TRPM3: variants seen among roughly 807,000 people sequenced by gnomAD.
TRPM3 encodes the protein transient receptor potential cation channel subfamily M member 3.
TRPM3 carries 77 observed loss-of-function variants against 181.2 expected under a neutral mutation model. That is an observed-to-expected ratio of 0.42 (90% CI 0.35 to 0.51). TRPM3 has a LOEUF of 0.51. Ranked by LOEUF, TRPM3 falls within the 20% of genes least tolerant of loss-of-function variation. TRPM3 has a pLI of 0.01. For synonymous variants in TRPM3, 745 were observed against 796.4 expected, an observed-to-expected ratio of 0.94 and a Z score of 1.09; for missense variants, 1,759 against 2,196.7, an observed-to-expected ratio of 0.80 and a Z score of 3.98.
At chr9:71,362,121 A>G (rs1588668576) in intron 1 of TRPM3, among the ~76,000 whole-genome samples, 1 of 152,212 alleles carries the variant, frequency 6.6e-6, no homozygotes, top group South Asian at 2.1e-4. Flanking sequence ...TCATGCCCAC[A>G]GATAAGGCCC....
chr9:70,981,791 C>A (rs4237246), intron 1 of TRPM3, among the ~76,000 whole-genome samples: 151,910 of 152,286 alleles, frequency 1, 75,767 homozygotes, highest in Middle Eastern at 1. Flanking sequence ...TTTGAAGCTC[C>A]TCCTTCTAAG....
chr9:70,919,379 C>T (rs1464594651), intron 1 of TRPM3, among the ~76,000 whole-genome samples: 2 of 152,166 alleles, frequency 1.3e-5, no homozygotes, highest in Admixed American at 6.5e-5. Context: ...AATACTCTGC[C>T]CCAGCCTGGA....
chr9:71,233,615 A>G (rs983487271), intron 1 of TRPM3, among the ~76,000 whole-genome samples: 2 of 152,252 alleles, frequency 1.3e-5, no homozygotes, highest in Non-Finnish European at 2.9e-5. Flanking sequence ...AATCCTAGGA[A>G]ACTGCAGGAA....
At chr9:70,791,673 G>A (rs530400319) in intron 6 of TRPM3, among the ~76,000 whole-genome samples, 2 of 152,266 alleles carry the variant, frequency 1.3e-5, no homozygotes, top group South Asian at 4.1e-4. Context: ...ATATGGGGAT[G>A]TCAAGACACT....
chr9:70,841,593 TG>T (rs1043841725), intron 5 of TRPM3, among the ~76,000 whole-genome samples: 1 of 144,122 alleles, frequency 6.9e-6, no homozygotes, highest in African/African-American at 2.5e-5. Context: ...TGTCCATCAA[TG>T]GAGGATTGGA....
chr9:71,135,561 C>T (rs2074712960), intron 1 of TRPM3, among the ~76,000 whole-genome samples: 1 of 152,070 alleles, frequency 6.6e-6, no homozygotes, highest in South Asian at 2.1e-4. Flanking sequence ...CATCAATCTC[C>T]AGTAATCCAC....
chr9:70,542,998 C>A (rs1004740026), intron 25 of TRPM3, among the ~76,000 whole-genome samples: 1 of 152,084 alleles, frequency 6.6e-6, no homozygotes, highest in Admixed American at 6.6e-5. Flanking sequence ...AAAAGAGAAA[C>A]AAGTTTAAAC....
At chr9:70,795,414 T>C (rs575066730) in intron 6 of TRPM3, among the ~76,000 whole-genome samples, 1 of 152,214 alleles carries the variant, frequency 6.6e-6, no homozygotes, top group Non-Finnish European at 1.5e-5. Flanking sequence ...AAATGATTCA[T>C]GAAGAGAAAA....
At chr9:70,866,397 G>T (rs1180188817) in intron 1 of TRPM3, among the ~76,000 whole-genome samples, 1 of 152,026 alleles carries the variant, frequency 6.6e-6, no homozygotes, top group Non-Finnish European at 1.5e-5. Context: ...AGAGCATGAG[G>T]TCTGCATTTA....
intron 16 of TRPM3, among the ~76,000 whole-genome samples, chr9:70,619,406 CTTTT>C (rs1170887633): frequency 0.088 from 7,154 of 81,300 alleles, 156 homozygotes; most frequent in Middle Eastern, 0.16. Context: ...TCGTCGTCTT[CTTTT>C]TTTTTTTTTT....
intron 9 of TRPM3, among the ~76,000 whole-genome samples, chr9:70,675,868 A>G (rs945437768): frequency 1.3e-5 from 2 of 152,182 alleles, no homozygotes; most frequent in African/African-American, 4.8e-5. Flanking sequence ...TTTGATTACA[A>G]TATGTCTCCT....
At chr9:70,751,778 C>A (rs1488966056) in intron 8 of TRPM3, among the ~76,000 whole-genome samples, 1 of 151,902 alleles carries the variant, frequency 6.6e-6, no homozygotes, top group African/African-American at 2.4e-5. Flanking sequence ...GATGTGTTGC[C>A]TGTTTAGAGA....
At chr9:70,539,707 C>G (rs1447880573) in intron 25 of TRPM3, among the ~76,000 whole-genome samples, 1 of 152,158 alleles carries the variant, frequency 6.6e-6, no homozygotes, top group Admixed American at 6.5e-5. Context: ...GCCCAAGAAA[C>G]AAAATTACTT....
chr9:71,312,657 T>A (rs753022388), intron 1 of TRPM3, among the ~76,000 whole-genome samples: 2 of 152,130 alleles, frequency 1.3e-5, no homozygotes, highest in Non-Finnish European at 2.9e-5. Flanking sequence ...AAACAAGATG[T>A]CCTTCAGTAG....
chr9:70,935,802 A>T (rs1337015), intron 1 of TRPM3, among the ~76,000 whole-genome samples: 13,374 of 152,132 alleles, frequency 0.088, 663 homozygotes, highest in African/African-American at 0.14. Context: ...TTTTCCCCCA[A>T]GCGCAATCCG....
chr9:71,201,793 A>C (rs1179887936), intron 1 of TRPM3, among the ~76,000 whole-genome samples: 1 of 152,038 alleles, frequency 6.6e-6, no homozygotes, highest in Admixed American at 6.6e-5. Flanking sequence ...TGTAGCTCGG[A>C]ATAGTTTGAT....
chr9:71,371,521 G>T (rs1295477219), intron 1 of TRPM3, among the ~76,000 whole-genome samples: 1 of 152,186 alleles, frequency 6.6e-6, no homozygotes, highest in Admixed American at 6.5e-5. Flanking sequence ...AGTGGAGCTT[G>T]ATGATGTGAC....
At chr9:70,570,380 C>T (rs551909228) in intron 22 of TRPM3, among the ~76,000 whole-genome samples, 5 of 139,368 alleles carry the variant, frequency 3.6e-5, no homozygotes, top group East Asian at 4.6e-4. Flanking sequence ...ACGATCTCAG[C>T]GGACTGCAAC....
At chr9:70,556,311 G>A (rs530655950) in intron 22 of TRPM3, among the ~76,000 whole-genome samples, 5 of 151,540 alleles carry the variant, frequency 3.3e-5, no homozygotes, top group South Asian at 4.2e-4. Context: ...GTTTGGCGCC[G>A]GGAACCTCCT....
Sources: gnomAD v4.1 joint callset for allele counts (sites outside exome capture counted in the v4.1 genomes callset) on GRCh38, gnomAD v4.1.1 for gene constraint, MANE v1.5 for transcripts, NCBI Gene and HGNC (gene_info 2026-07-23, HGNC 2026-07-21) for gene names.